Variants in ZNF512 observed in about 807,000 individuals in gnomAD.
The protein encoded by ZNF512 is zinc finger protein 512.
In ZNF512, 25 loss-of-function variants were observed where a neutral mutation model predicts 77.5. The observed-to-expected ratio is 0.32, with a 90% CI of 0.23 to 0.45. The LOEUF is 0.45. ZNF512 is among the 20% of genes least tolerant of loss of function. The probability of loss-of-function intolerance (pLI) is 1.00; values close to 1 mark genes in which losing one functional copy is unlikely to be tolerated. For synonymous variants in ZNF512, 246 were observed against 239.9 expected (o/e 1.03, Z -0.24); for missense variants, 483 against 692.6 (o/e 0.70, Z 3.40).
At chr2:27,620,087 A>G (rs1673052114) in intron 13 of ZNF512, among the ~76,000 whole-genome samples, 2 of 152,276 alleles carry the variant, frequency 1.3e-5, no homozygotes, top group South Asian at 4.1e-4. Flanking sequence ...ATAATTTAAA[A>G]TTTTCTAGTA....
chr2:27,618,864 G>A (rs1673006717), intron 13 of ZNF512, among the ~76,000 whole-genome samples: 1 of 152,068 alleles, frequency 6.6e-6, no homozygotes, highest in Admixed American at 6.5e-5. Context: ...GCATTCTCTT[G>A]GAATATCTCA....
intron 9 of ZNF512, among the ~76,000 whole-genome samples, chr2:27,604,623 A>T (rs1672277258): frequency 1.3e-5 from 2 of 152,204 alleles, no homozygotes; most frequent in East Asian, 3.9e-4. Flanking sequence ...TCTACAAAAA[A>T]TGAAAAAATA....
Position 27,616,258 on chromosome 2 carries a change from G to T in ZNF512, c.1234-4G>T. ...GTCTTCATACTATTTCTTCTCTTTT[G>T]CAGGGCTGTGAGGCTGTCTACAGCA... On this transcript the variant is annotated splice_polypyrimidine_tract_variant and splice_region_variant and intron_variant, in intron 11 of 13. Transcript: ENST00000355467. 2 of 1,612,970 alleles carry T rather than the reference G, an allele frequency of 1.2e-6. No homozygotes were observed. The highest frequency in any genetic ancestry group is 1.7e-6 in the Non-Finnish European group (2 of 1,179,076).
chr2:27,587,631 G>A (rs13388048), intron 2 of ZNF512, among the ~76,000 whole-genome samples: 1,584 of 147,386 alleles, frequency 0.011, 31 homozygotes, highest in African/African-American at 0.036. Flanking sequence ...GCATCTGTTC[G>A]TATTCTTTCT....
chr2:27,616,135 T>TTTGTTTTGTGGCACAAATTATTGGTTTTC, intron 11 of ZNF512, 127 bp from the exon 12 acceptor site: 1 of 635,636 alleles, frequency 1.6e-6, no homozygotes, highest in Non-Finnish European at 2.7e-6. Flanking sequence ...TCTTTTTTCG[T>TTTGTTTTGTGGCACAAATTATTGGTTTTC]TTGTTTTGTG....
chr2:27,599,722 G>A (rs2148018844), intron 4 of ZNF512, 44 bp downstream of exon 4: 8 of 1,553,062 alleles, frequency 5.2e-6, no homozygotes, highest in Non-Finnish European at 7.1e-6. Context: ...GGGTGACTGA[G>A]CTTTATTCTT....
At position 27,622,649 on chromosome 2, in the gene ZNF512, G is replaced by C. The variant is rs1285941143; in HGVS notation, c.*1188G>C. 3 of 152,788 alleles carry C rather than the reference G, an allele frequency of 2.0e-5. No homozygotes were observed. Among genetic ancestry groups the C allele is most frequent in the African/African-American group, 7.2e-5 (3 of 41,462 alleles). 9.5% of individuals were successfully genotyped at this position (152,788 alleles called of 1,614,324 possible). A position where few individuals can be genotyped will look rare whatever the true frequency, so the allele number is the denominator to read the frequency against. ...GTGGCTTTCTCTGGAACATTGGTTA[G>C]AGCAGCTTTGTTGTCGTGTTTCTGG... On this transcript the variant is annotated 3_prime_UTR_variant, in exon 14 of 14. Transcript: ENST00000355467.
intron 2 of ZNF512, among the ~76,000 whole-genome samples, chr2:27,593,201 C>T (rs1025426382): frequency 9.7e-6 from 1 of 102,606 alleles, no homozygotes; most frequent in Non-Finnish European, 2.0e-5. Context: ...TCTCTACACA[C>T]ACACACACAC....
chr2:27,586,686 T>C (rs1671343303), intron 2 of ZNF512, among the ~76,000 whole-genome samples: 1 of 152,242 alleles, frequency 6.6e-6, no homozygotes, highest in Non-Finnish European at 1.5e-5. Context: ...GACGTATGTC[T>C]GTACCCGTGA....
intron 2 of ZNF512, among the ~76,000 whole-genome samples, chr2:27,597,427 G>T (rs1292805307): frequency 1.3e-5 from 2 of 152,166 alleles, no homozygotes; most frequent in Non-Finnish European, 2.9e-5. Flanking sequence ...CTGATGCTTT[G>T]TAGTTACAGA....
chr2:27,590,213 C>T (rs879342442), intron 2 of ZNF512, among the ~76,000 whole-genome samples: 110 of 152,214 alleles, frequency 7.2e-4, no homozygotes, highest in Middle Eastern at 3.4e-3. Context: ...TGTCAGTTTT[C>T]GCTTTGTGTA....
At chr2:27,609,826 G>T (rs544183053) in intron 10 of ZNF512, among the ~76,000 whole-genome samples, 1 of 151,728 alleles carries the variant, frequency 6.6e-6, no homozygotes, top group Non-Finnish European at 1.5e-5. Context: ...CCAAGATCGT[G>T]CCATTGCACT....
rs1455665041 is a variant in ZNF512, at chr2:27,583,044, A to G, written c.-69A>G. The stretch of plus-strand genomic sequence containing the variant: ...GCGGAGCCGAGCCCACATCCGGGAG[A>G]GGAGAGCGGAAGTGGCGTTGGTCTG... On this transcript the variant is annotated 5_prime_UTR_variant, in exon 1 of 14. Coordinates refer to ENST00000355467, the MANE Select transcript of ZNF512 (RefSeq NM_032434.4). The G allele has an allele frequency of 2.2e-5, 35 of 1,578,970 alleles. No individual in the cohort carries two copies. In the Admixed American group the frequency reaches 5.8e-4, roughly 26 times the overall value.
intron 3 of ZNF512, among the ~76,000 whole-genome samples, chr2:27,598,854 G>A (rs6547717): frequency 0.085 from 12,802 of 150,596 alleles, 1,852 homozygotes; most frequent in African/African-American, 0.3. Context: ...TTTTTGAGAC[G>A]GAGTTTCACT....
chr2:27,615,293 T>G, intron 11 of ZNF512, 24 bp downstream of exon 11: 1 of 1,463,604 alleles, frequency 6.8e-7, no homozygotes, highest in Non-Finnish European at 9.4e-7. Context: ...ATTCATTTAT[T>G]CAGTAAATGT....
chr2:27,607,871 G>A lies in ZNF512; in HGVS notation c.963G>A (p.Gln321=). Residue 321 remains glutamine (Q), a synonymous_variant, in exon 10 of 14, where the codon CAG becomes CAA. Coordinates refer to ENST00000355467, the MANE Select transcript of ZNF512 (RefSeq NM_032434.4). ...TATCCTTCTTTCCAGAGTCAGGACAGCCAGAGTGCTTAAAGGAGATGAACC... is the reference window on the plus strand; with the variant it reads ...TATCCTTCTTTCCAGAGTCAGGACAACCAGAGTGCTTAAAGGAGATGAACC... ...GPISFFPESG[Q]PECLKEMNLE... 6.2e-7 allele frequency: 1 copy of A among 1,614,142 alleles called. No homozygotes were observed. The highest frequency in any genetic ancestry group is 1.7e-5 in the Admixed American group (1 of 60,024).
chr2:27,600,617 T>C, intron 5 of ZNF512, 74 bp from the exon 6 acceptor site: 1 of 1,539,726 alleles, frequency 6.5e-7, no homozygotes. Flanking sequence ...ATACTTTTCC[T>C]AAATCGTGGG....
rs746050460 is a variant in ZNF512 at position 27,583,096 on chromosome 2, G to T, written c.-17G>T. On this transcript the variant is annotated 5_prime_UTR_variant, in exon 1 of 14. In the 5' UTR this introduces an upstream ATG that the reference lacks. Transcript: ENST00000355467. Reference sequence around the variant, plus strand: ...CCGGAGCCCTTGGGTGAAATTGTTAGGCGTGGAGAGGGAGTGATGTCTTCC... The same window carrying T: ...CCGGAGCCCTTGGGTGAAATTGTTATGCGTGGAGAGGGAGTGATGTCTTCC... 2 of 1,614,160 alleles carry T rather than the reference G, an allele frequency of 1.2e-6. No homozygotes were observed. The highest frequency in any genetic ancestry group is 2.2e-5 in the South Asian group (2 of 91,064).
intron 9 of ZNF512, among the ~76,000 whole-genome samples, chr2:27,603,590 A>ATTTTT (rs757868678): frequency 8.2e-5 from 7 of 85,676 alleles, no homozygotes; most frequent in African/African-American, 2.9e-4. Flanking sequence ...GTGTGTGTAT[A>ATTTTT]TTTTTTTTTT....
Sources: gnomAD v4.1 joint callset for allele counts (sites outside exome capture counted in the v4.1 genomes callset) on GRCh38, gnomAD v4.1.1 for gene constraint, MANE v1.5 for transcripts, NCBI Gene and HGNC (gene_info 2026-07-23, HGNC 2026-07-21) for gene names.